Variants in MAP3K4 observed in about 807,000 individuals in gnomAD.
MAP3K4 encodes the protein MAP three kinase 1.
Under a neutral mutation model 185.6 loss-of-function variants are expected in MAP3K4, and 67 were observed. The observed-to-expected ratio is 0.36, with a 90% CI of 0.30 to 0.44. The LOEUF (loss-of-function observed/expected upper bound fraction) is 0.44, where lower values mean the gene tolerates loss of function less well. Among genes scored for constraint, MAP3K4 ranks in the 20% least tolerant of loss-of-function variants. MAP3K4 has a pLI of 1.00. For synonymous variants in MAP3K4, 702 were observed against 710.4 expected (o/e 0.99, Z 0.19); for missense variants, 1,551 against 1,995.1 (o/e 0.78, Z 4.24).
In MAP3K4 at chr6:161,106,512, A is replaced by G. The variant is rs1467114370; in HGVS notation, c.3857-2A>G. 8.7e-6 allele frequency: 14 copies of G among 1,603,868 alleles called. No individual in the cohort carries two copies. The highest frequency in any genetic ancestry group is 4.5e-5 in the East Asian group (2 of 44,812). On this transcript the variant is annotated splice_acceptor_variant, in intron 19 of 26. Transcript: ENST00000392142. LOFTEE classifies it high-confidence loss of function. This position sits in a 1 kb window ranked among gnomAD's most constrained non-coding sequence, Gnocchi z 4.9. ...CTAATGAGGTTTTGGTTCTCTCTGCAGATACTGCTTCTAAACTAGGACCCA... is the reference window on the plus strand; with the variant it reads ...CTAATGAGGTTTTGGTTCTCTCTGCGGATACTGCTTCTAAACTAGGACCCA...
chr6:161,001,852 A>G (rs1280217255), intron 1 of MAP3K4, among the ~76,000 whole-genome samples: 1 of 152,196 alleles, frequency 6.6e-6, no homozygotes, highest in African/African-American at 2.4e-5. Flanking sequence ...GTAAGTGCTC[A>G]GTATTAGCTG....
intron 2 of MAP3K4, among the ~76,000 whole-genome samples, chr6:161,047,705 G>T (rs1219372709): frequency 2.0e-5 from 3 of 152,180 alleles, no homozygotes; most frequent in African/African-American, 7.2e-5. Context: ...GGAGGTATTT[G>T]AAAAGAAGGG....
intron 25 of MAP3K4, among the ~76,000 whole-genome samples, chr6:161,113,862 A>G (rs1336776417): frequency 8.3e-6 from 1 of 120,152 alleles, no homozygotes; most frequent in African/African-American, 3.3e-5. Flanking sequence ...AAGTGGCATG[A>G]TCTCGGCTCA....
At chr6:161,050,092 G>T in intron 3 of MAP3K4, 113 bp downstream of exon 3, 1 of 1,097,078 alleles carries the variant, frequency 9.1e-7, no homozygotes, top group South Asian at 1.7e-5. Flanking sequence ...AACACAAATG[G>T]CAGTTATAAA....
At position 161,082,227 on chromosome 6, in the gene MAP3K4, AAG is replaced by A. The variant is rs1562527190; in HGVS notation, c.2255+1190_2255+1191del. On this transcript the variant is annotated intron_variant, in intron 6 of 26. Transcript: ENST00000392142. This position sits in a 1 kb window ranked among gnomAD's most constrained non-coding sequence, Gnocchi z 4.2. ...GTGCCCATAGTCAGCCTTTTTAAAA[AAG>A]GCATTCATTGTCATTTGCAACATGT... Among the ~76,000 whole-genome samples the A allele has an allele frequency of 6.6e-6, 1 of 151,974 alleles. No homozygotes were observed. The highest frequency in any genetic ancestry group is 1.5e-5 in the Non-Finnish European group (1 of 67,998).
chr6:161,083,650 T>TC (rs1369135433), intron 6 of MAP3K4, among the ~76,000 whole-genome samples: 20 of 152,366 alleles, frequency 1.3e-4, no homozygotes, highest in Admixed American at 9.8e-4. Flanking sequence ...GACTACATCT[T>TC]CATGCTTTTT....
At position 161,070,930 on chromosome 6, in the gene MAP3K4, C is replaced by CTT; in HGVS notation, c.1950+88_1950+89dup. On this transcript the variant is annotated intron_variant, in intron 4 of 26. Coordinates refer to ENST00000392142, the MANE Select transcript of MAP3K4 (RefSeq NM_005922.4). This position sits in a 1 kb window ranked among gnomAD's most constrained non-coding sequence, Gnocchi z 4.5. The stretch of plus-strand genomic sequence containing the variant: ...CTTATCATTTTTATTTTGAGAGTTC[C>CTT]TTTTTTTTTCTTAATTGTCGCAAAT... 8.0e-7 allele frequency: 1 copy of CTT among 1,255,010 alleles called. No individual in the cohort carries two copies. The highest frequency in any genetic ancestry group is 1.1e-6 in the Non-Finnish European group (1 of 942,018). 77.7% of individuals were successfully genotyped at this position (1,255,010 alleles called of 1,614,324 possible).
chr6:161,087,574 GCCCTTCC>G lies in MAP3K4; in HGVS notation c.2557-112_2557-106del. The G allele has an allele frequency of 9.5e-7, 1 of 1,049,496 alleles. No homozygotes were observed. Among genetic ancestry groups the G allele is most frequent in the South Asian group, 1.3e-5 (1 of 74,402 alleles). 65.0% of individuals were successfully genotyped at this position (1,049,496 alleles called of 1,614,324 possible). A position where few individuals can be genotyped will look rare whatever the true frequency, so the allele number is the denominator to read the frequency against. On this transcript the variant is annotated intron_variant, in intron 9 of 26. Transcript: ENST00000392142. The surrounding 1 kb of genome is among the most constrained non-coding windows in gnomAD (Gnocchi z 4.9). ...CAGTTCCCTCACTGCTCCAATTCAT[GCCCTTCC>G]CACTTTCCCTTTCCCAAACCTGCCT...
In MAP3K4 at chr6:161,116,748, A is replaced by C; in HGVS notation, c.4807-102A>C. 1 of 968,958 alleles carries C rather than the reference A, an allele frequency of 1.0e-6. No homozygotes were observed. The allele number at this position is 968,958 out of a possible 1,614,324, so 60.0% of individuals were successfully genotyped here. A position where few individuals can be genotyped will look rare whatever the true frequency, so the allele number is the denominator to read the frequency against. On this transcript the variant is annotated intron_variant, in intron 26 of 26. Coordinates refer to ENST00000392142, the MANE Select transcript of MAP3K4 (RefSeq NM_005922.4). This position sits in a 1 kb window ranked among gnomAD's most constrained non-coding sequence, Gnocchi z 6.2. Reference sequence around the variant, plus strand: ...TGCCCAGTACAGTGCTGGGAGCATCAGGATGAGTGGATGGGGCCTTCCCCG... The same window carrying C: ...TGCCCAGTACAGTGCTGGGAGCATCCGGATGAGTGGATGGGGCCTTCCCCG...
At chr6:161,102,606 G>A in intron 18 of MAP3K4, 93 bp from the exon 19 acceptor site, 1 of 718,422 alleles carries the variant, frequency 1.4e-6, no homozygotes, top group South Asian at 2.4e-5. Flanking sequence ...AGGCAAACAG[G>A]TTGCTTTTAA....
rs1338699603 is a variant in MAP3K4 at position 161,086,789 on chromosome 6, C to T, written c.2556+122C>T. 5.8e-6 allele frequency: 4 copies of T among 692,716 alleles called. No homozygotes were observed. The highest frequency in any genetic ancestry group is 3.6e-5 in the African/African-American group (2 of 55,370). The allele number at this position is 692,716 out of a possible 1,614,324, so 42.9% of individuals were successfully genotyped here. Reference sequence around the variant, plus strand: ...ACAGGCTCTGAAGGCTGTACCACAACCCCAGTTGTAAGACTGTCCTGTAAT... The same window carrying T: ...ACAGGCTCTGAAGGCTGTACCACAATCCCAGTTGTAAGACTGTCCTGTAAT... On this transcript the variant is annotated intron_variant, in intron 9 of 26. Transcript: ENST00000392142. The surrounding 1 kb of genome is among the most constrained non-coding windows in gnomAD (Gnocchi z 4.8).
At chr6:161,057,524 C>A (rs141294557) in intron 3 of MAP3K4, among the ~76,000 whole-genome samples, 92 of 152,286 alleles carry the variant, frequency 6.0e-4, no homozygotes, top group African/African-American at 2.0e-3. Flanking sequence ...TTTAAAAATA[C>A]GTGTGCCTAG....
Position 161,064,761 on chromosome 6 carries a change from T to C in MAP3K4, c.1708-5847T>C, listed in dbSNP as rs1378003977. 6.6e-6 allele frequency among the ~76,000 whole-genome samples: 1 copy of C among 152,206 alleles called. No individual in the cohort carries two copies. The highest frequency in any genetic ancestry group is 1.5e-5 in the Non-Finnish European group (1 of 68,038). On this transcript the variant is annotated intron_variant, in intron 3 of 26. Transcript: ENST00000392142. This position sits in a 1 kb window ranked among gnomAD's most constrained non-coding sequence, Gnocchi z 4.3. ...AATCTCTAAGATGGAGAGCACCCTT[T>C]CAATGATTAGAAGAGACACAAGATG...
Position 161,034,213 on chromosome 6 carries a change from C to T in MAP3K4, c.153-46C>T. ...AAAATTATAAGTAAATTTGAATTCA[C>T]TTAACTGTGTTGCTGAATATTTTCC... is the stretch of plus-strand genomic sequence containing the variant. On this transcript the variant is annotated intron_variant, in intron 1 of 26. Coordinates refer to ENST00000392142, the MANE Select transcript of MAP3K4 (RefSeq NM_005922.4). This position sits in a 1 kb window ranked among gnomAD's most constrained non-coding sequence, Gnocchi z 4.4. The T allele has an allele frequency of 7.0e-7, 1 of 1,431,194 alleles. No homozygotes were observed. Among genetic ancestry groups the T allele is most frequent in the South Asian group, 1.3e-5 (1 of 74,712 alleles). 88.7% of individuals were successfully genotyped at this position (1,431,194 alleles called of 1,614,324 possible).
intron 13 of MAP3K4, 130 bp downstream of exon 13, chr6:161,092,273 GTTTT>G: frequency 9.9e-7 from 1 of 1,009,000 alleles, no homozygotes; most frequent in South Asian, 3.1e-5. Flanking sequence ...CGGTGATCAG[GTTTT>G]TTTTAATGGA....
chr6:161,104,708 T>G (rs1364088912), intron 19 of MAP3K4, among the ~76,000 whole-genome samples: 1 of 24,452 alleles, frequency 4.1e-5, no homozygotes. Flanking sequence ...AGACTCCATC[T>G]CAAAAAAAAA....
In MAP3K4 at chr6:161,086,631, C is replaced by A. The variant is rs1785726445; in HGVS notation, c.2520C>A (p.Asp840Glu). 2 of 1,613,866 alleles carry A rather than the reference C, an allele frequency of 1.2e-6. No individual in the cohort carries two copies. The highest frequency in any genetic ancestry group is 1.7e-6 in the Non-Finnish European group (2 of 1,179,972). ...TCAGGCTTTCAGCCCCAGTTAGAGACCTCCTGGATGTTCTGAAATCAAAAC... is the reference window on the plus strand; with the variant it reads ...TCAGGCTTTCAGCCCCAGTTAGAGAACTCCTGGATGTTCTGAAATCAAAAC... ...AEFRLSAPVRDLLDVLKSKQY... is the reference protein window; with the variant it reads ...AEFRLSAPVRELLDVLKSKQY... The change falls in exon 9 of 27, where the codon GAC becomes GAA. Residue 840 changes from aspartate to glutamate, a missense_variant. Around this residue, in one of 16 missense-constraint regions of MAP3K4, gnomAD observed 261 missense variants for 306.5 expected, o/e 0.85. Coordinates refer to ENST00000392142, the MANE Select transcript of MAP3K4 (RefSeq NM_005922.4). The surrounding 1 kb of genome is among the most constrained non-coding windows in gnomAD (Gnocchi z 4.8).
In MAP3K4 at chr6:161,112,753, C is replaced by T. The variant is rs758579252; in HGVS notation, c.4605C>T (p.Val1535=). The T allele has an allele frequency of 1.9e-6, 3 of 1,604,604 alleles. No individual in the cohort carries two copies. In the East Asian group the frequency reaches 6.7e-5, roughly 36 times the overall value. The part of the protein sequence containing the change: ...AADIWSLGCV[V]IEMVTGKRPW... The stretch of plus-strand genomic sequence containing the variant: ...ACATCTGGAGTCTGGGGTGTGTTGT[C>T]ATAGAGATGGTGACTGGCAAGGTAA... Residue 1535 remains valine, a synonymous_variant, in exon 25 of 27, where the codon GTC becomes GTT. Transcript: ENST00000392142. The surrounding 1 kb of genome is among the most constrained non-coding windows in gnomAD (Gnocchi z 5.1).
chr6:161,087,915 G>T lies in MAP3K4; in HGVS notation c.2784G>T (p.Val928=). 1 of 1,614,022 alleles carries T rather than the reference G, an allele frequency of 6.2e-7. No individual in the cohort carries two copies. Among genetic ancestry groups the T allele is most frequent in the Non-Finnish European group, 8.5e-7 (1 of 1,179,984 alleles). The change falls in exon 10 of 27, where the codon GTG becomes GTT. Residue 928 remains valine (V), a synonymous_variant. Transcript: ENST00000392142. The surrounding 1 kb of genome is among the most constrained non-coding windows in gnomAD (Gnocchi z 4.9). ...GTWEAQPVKV[V]PQVETVDTLR... Reference sequence around the variant, plus strand: ...GGGAGGCACAGCCTGTCAAAGTCGTGCCTCAGGTGGAGACTGTTGACACCC... The same window carrying T: ...GGGAGGCACAGCCTGTCAAAGTCGTTCCTCAGGTGGAGACTGTTGACACCC...
Sources: allele counts gnomAD v4.1 joint callset (sites outside exome capture counted in the v4.1 genomes callset), GRCh38; gene constraint gnomAD v4.1.1; regional missense constraint gnomAD v4.1.1; non-coding constraint Gnocchi (gnomAD v3.1); transcripts MANE v1.5; gene names NCBI Gene and HGNC (gene_info 2026-07-23, HGNC 2026-07-21).